GRB10: variants seen among roughly 807,000 people sequenced by gnomAD.
GRB10 encodes growth factor receptor-bound protein 10.
In GRB10, 20 loss-of-function variants were observed where a neutral mutation model predicts 80.9. The ratio of observed to expected loss-of-function variants is 0.25; its 90% CI spans 0.17 to 0.36. GRB10 has a LOEUF of 0.36. GRB10 is among the 10% of genes least tolerant of loss of function. The pLI is 1.00. For missense variants in GRB10, 548 were observed against 747.7 expected, an observed-to-expected ratio of 0.73 and a Z score of 3.12; for synonymous variants, 291 against 291.5, an observed-to-expected ratio of 1.00 and a Z score of 0.02.
intron 17 of GRB10, among the ~76,000 whole-genome samples, chr7:50,600,067 C>T (rs1323352326): frequency 6.6e-6 from 1 of 152,164 alleles, no homozygotes; most frequent in Non-Finnish European, 1.5e-5. Context: ...AATTCTCCAG[C>T]AGAGTGACGC....
At chr7:50,769,362 G>T (rs1588016112) in intron 2 of GRB10, among the ~76,000 whole-genome samples, 1 of 152,124 alleles carries the variant, frequency 6.6e-6, no homozygotes, top group African/African-American at 2.4e-5. Context: ...ACAGGAGGTC[G>T]GGCTTCCCAG....
chr7:50,674,396 C>T (rs760548747), intron 6 of GRB10, 40 bp downstream of exon 6: 5 of 1,580,112 alleles, frequency 3.2e-6, no homozygotes, highest in Middle Eastern at 2.3e-4. Context: ...CGACAGCTCT[C>T]ATCCTTGGAG....
rs2057412048 is a variant in GRB10 at position 50,647,780 on chromosome 7, C to T, written c.505-20802G>A. Among the ~76,000 whole-genome samples, 4 of 152,176 alleles carry T rather than the reference C, an allele frequency of 2.6e-5. No individual in the cohort carries two copies. In the South Asian group the frequency reaches 8.3e-4, roughly 32 times the overall value. ...ACAGGCAAGGAAAGTAAAGCCCAGG[C>T]CTGGGTCCCACAGCAGAGACCAGGC... On this transcript the variant is annotated intron_variant, in intron 7 of 18. Transcript: ENST00000401949.
At chr7:50,660,794 A>C (rs1563332049) in intron 7 of GRB10, among the ~76,000 whole-genome samples, 1 of 151,932 alleles carries the variant, frequency 6.6e-6, no homozygotes, top group Non-Finnish European at 1.5e-5. Context: ...GCGTGCGTGA[A>C]GCCACAAGGG....
chr7:50,749,935 C>T (rs1447450568), intron 3 of GRB10, among the ~76,000 whole-genome samples: 2 of 152,224 alleles, frequency 1.3e-5, no homozygotes, highest in Non-Finnish European at 2.9e-5. Flanking sequence ...CTCCATCTTC[C>T]TTTAATTGAA....
chr7:50,778,327 A>T (rs2077915462), intron 2 of GRB10, among the ~76,000 whole-genome samples: 1 of 152,228 alleles, frequency 6.6e-6, no homozygotes, highest in Non-Finnish European at 1.5e-5. Context: ...AGGAAGCATT[A>T]AGTTGCCCAA....
At chr7:50,691,923 G>C (rs1321899950) in intron 5 of GRB10, among the ~76,000 whole-genome samples, 1 of 152,030 alleles carries the variant, frequency 6.6e-6, no homozygotes, top group African/African-American at 2.4e-5. Context: ...GTTACCCCTG[G>C]AAATAGCACA....
At chr7:50,737,736 C>T (rs1174938762) in intron 3 of GRB10, among the ~76,000 whole-genome samples, 5 of 152,212 alleles carry the variant, frequency 3.3e-5, no homozygotes, top group African/African-American at 1.2e-4. Flanking sequence ...GCAATCCCAG[C>T]TACTCAGGAG....
intron 7 of GRB10, among the ~76,000 whole-genome samples, chr7:50,648,264 C>T (rs749724554): frequency 6.6e-6 from 1 of 152,014 alleles, no homozygotes; most frequent in Non-Finnish European, 1.5e-5. Context: ...GAGCAGCGAG[C>T]GACAGGAGCC....
chr7:50,769,662 C>T (rs943793239), intron 2 of GRB10, among the ~76,000 whole-genome samples: 7 of 152,152 alleles, frequency 4.6e-5, no homozygotes, highest in Non-Finnish European at 8.8e-5. Flanking sequence ...ACTCACAGGG[C>T]CTCTGACAGG....
At chr7:50,732,247 A>G in intron 4 of GRB10, 25 bp downstream of exon 4, 1 of 1,612,754 alleles carries the variant, frequency 6.2e-7, no homozygotes, top group Non-Finnish European at 8.5e-7. Context: ...TCGGGCCAGG[A>G]TCAGATATAT....
At chr7:50,631,049 T>C (rs2053904237) in intron 7 of GRB10, among the ~76,000 whole-genome samples, 1 of 151,494 alleles carries the variant, frequency 6.6e-6, no homozygotes, top group African/African-American at 2.4e-5. Flanking sequence ...GGGCACCTGG[T>C]TTTTTGTCTC....
At chr7:50,598,669 C>T (rs548242096) in intron 17 of GRB10, among the ~76,000 whole-genome samples, 8 of 152,318 alleles carry the variant, frequency 5.3e-5, no homozygotes, top group Non-Finnish European at 8.8e-5. Flanking sequence ...CAAGGTCACA[C>T]AGCCAGTCAT....
chr7:50,592,765 G>T lies in GRB10; in HGVS notation c.*187C>A. 4.3e-6 allele frequency: 3 copies of T among 691,232 alleles called. No homozygotes were observed. The highest frequency in any genetic ancestry group is 1.7e-5 in the South Asian group (1 of 57,710). The allele number at this position is 691,232 out of a possible 1,614,324, so 42.8% of individuals were successfully genotyped here. ...ATGCAGAGGGAGGCGACCCTGCTGG[G>T]TTCACAGCAGCAAATCGTCGTTTAA... is the stretch of plus-strand genomic sequence containing the variant. On this transcript the variant is annotated 3_prime_UTR_variant, in exon 19 of 19. Coordinates refer to ENST00000401949, the MANE Select transcript of GRB10 (RefSeq NM_001350814.2).
chr7:50,680,397 G>A (rs1385933856), intron 5 of GRB10, among the ~76,000 whole-genome samples: 3 of 152,230 alleles, frequency 2.0e-5, no homozygotes, highest in Non-Finnish European at 4.4e-5. Flanking sequence ...ACCATTTTCA[G>A]TCTCTAGTAA....
At chr7:50,791,237 C>A (rs1358630600) in intron 1 of GRB10, among the ~76,000 whole-genome samples, 1 of 152,048 alleles carries the variant, frequency 6.6e-6, no homozygotes, top group Non-Finnish European at 1.5e-5. Flanking sequence ...AAAATTCCTT[C>A]CCAAAATAAA....
chr7:50,605,505 G>T, intron 14 of GRB10, 99 bp from the exon 15 acceptor site: 1 of 989,106 alleles, frequency 1.0e-6, no homozygotes, highest in Non-Finnish European at 1.6e-6. Flanking sequence ...AAGGGGAGCA[G>T]GGAATGCCTG....
At chr7:50,772,074 GATCT>G (rs2077032334) in intron 2 of GRB10, among the ~76,000 whole-genome samples, 1 of 152,102 alleles carries the variant, frequency 6.6e-6, no homozygotes, top group Non-Finnish European at 1.5e-5. Context: ...TGCGGATGTG[GATCT>G]ATTCAGGCGA....
intron 8 of GRB10, among the ~76,000 whole-genome samples, chr7:50,623,639 G>T (rs570822902): frequency 6.6e-6 from 1 of 152,316 alleles, no homozygotes; most frequent in Admixed American, 6.5e-5. Context: ...TTCTCCCGCA[G>T]AAAGGGAACC....
Sources: allele counts gnomAD v4.1 joint callset (sites outside exome capture counted in the v4.1 genomes callset), GRCh38; gene constraint gnomAD v4.1.1; transcripts MANE v1.5; gene names NCBI Gene and HGNC (gene_info 2026-07-23, HGNC 2026-07-21).